The following ADAM18 variants were observed in gnomAD, a reference collection of about 807,000 sequenced individuals.
The protein encoded by ADAM18 is ADAM metallopeptidase domain 18, also known as disintegrin and metalloproteinase domain-containing protein 18.
Under a neutral mutation model 94.4 loss-of-function variants are expected in ADAM18, and 117 were observed. The ratio of observed to expected loss-of-function variants is 1.24; its 90% confidence interval spans 1.07 to 1.45. The LOEUF (loss-of-function observed/expected upper bound fraction) is 1.45, where lower values mean the gene tolerates loss of function less well. Ranked by LOEUF, ADAM18 falls within the 40% of genes most tolerant of loss-of-function variation. The pLI is 0.00. For missense variants in ADAM18, 936 were observed against 880.0 expected, an observed-to-expected ratio of 1.06 and a Z score of -0.81; for synonymous variants, 327 against 291.6, an observed-to-expected ratio of 1.12 and a Z score of -1.24.
chr8:39,678,907 A>G (rs1367571672), intron 15 of ADAM18, among the ~76,000 whole-genome samples: 5 of 152,202 alleles, frequency 3.3e-5, no homozygotes, highest in Non-Finnish European at 7.3e-5. Context: ...TAAGAATTTA[A>G]CCATAAATGC....
chr8:39,723,928 A>T (rs2129581882), intron 19 of ADAM18, 21 bp downstream of exon 19: 1 of 1,375,422 alleles, frequency 7.3e-7, no homozygotes, highest in South Asian at 1.7e-5. Flanking sequence ...TATAGAATCA[A>T]TGTATTAGGT....
At chr8:39,706,677 T>A in intron 17 of ADAM18, 113 bp from the exon 18 acceptor site, 1 of 537,256 alleles carries the variant, frequency 1.9e-6, no homozygotes, top group South Asian at 3.6e-5. Flanking sequence ...ATAATAATCT[T>A]AAGAAAAAAT....
At chr8:39,656,305 G>A (rs1483881321) in intron 12 of ADAM18, among the ~76,000 whole-genome samples, 1 of 151,940 alleles carries the variant, frequency 6.6e-6, no homozygotes, top group Non-Finnish European at 1.5e-5. Flanking sequence ...ACAGACAAAT[G>A]AAACAGAATG....
rs140879515 is a variant in ADAM18 at position 39,587,826 on chromosome 8, A to G, written c.132+2474A>G. 3.5e-3 allele frequency among the ~76,000 whole-genome samples: 529 copies of G among 152,288 alleles called. 1 individual carries two copies. The highest frequency in any genetic ancestry group is 8.2e-3 in the Admixed American group (125 of 15,304). On this transcript the variant is annotated intron_variant, in intron 2 of 19. Transcript: ENST00000265707. ...CTTCTGTGACTGTCTCATTTAACATAACATAATGTTCTGTGGGTTCATTCA... is the reference window on the plus strand; with the variant it reads ...CTTCTGTGACTGTCTCATTTAACATGACATAATGTTCTGTGGGTTCATTCA...
intron 2 of ADAM18, among the ~76,000 whole-genome samples, chr8:39,602,104 G>A (rs764973645): frequency 1.2e-4 from 18 of 152,028 alleles, no homozygotes; most frequent in South Asian, 4.1e-4. Context: ...CTTGGCTATT[G>A]TTAATTATGA....
In ADAM18 at chr8:39,677,750, G is replaced by T. The variant is rs537471165; in HGVS notation, c.1631+214G>T. 5.3e-5 allele frequency among the ~76,000 whole-genome samples: 8 copies of T among 152,116 alleles called. No homozygotes were observed. The South Asian group carries it at 1.5e-3, about 28-fold the overall frequency. On this transcript the variant is annotated intron_variant, in intron 15 of 19. Transcript: ENST00000265707. The stretch of plus-strand genomic sequence containing the variant: ...TTGGACAAAAAAAGGCTAATACTTA[G>T]TAACAGAAGAAGAAAATGGACACAC...
rs764930084 is a variant in ADAM18 at position 39,638,534 on chromosome 8, A to G, written c.897A>G (p.Ala299=). Residue 299 remains alanine, a synonymous_variant, in exon 10 of 20, where the codon GCA becomes GCG. Transcript: ENST00000265707. ...CTGTATGCAATAAAAGCTATGATGC[A>G]GGTATTGCTATGGTATGTAATTTTT... ...PGTVCNKSYD[A]GIAMYPDAIG... 27 of 1,568,158 alleles carry G rather than the reference A, an allele frequency of 1.7e-5. No homozygotes were observed. The highest frequency in any genetic ancestry group is 2.3e-5 in the Non-Finnish European group (26 of 1,154,766).
chr8:39,662,048 T>A (rs1820855159), intron 12 of ADAM18, among the ~76,000 whole-genome samples: 1 of 151,798 alleles, frequency 6.6e-6, no homozygotes, highest in Non-Finnish European at 1.5e-5. Context: ...TCAAAATATA[T>A]GATTATTTAA....
chr8:39,727,103 A>T (rs1334700748), intron 19 of ADAM18, among the ~76,000 whole-genome samples: 1 of 152,154 alleles, frequency 6.6e-6, no homozygotes, highest in Non-Finnish European at 1.5e-5. Flanking sequence ...ACATTTCTTC[A>T]ATATGTCTAG....
rs758275974 is a variant in ADAM18 at position 39,629,356 on chromosome 8, G to T, written c.523-18G>T. ...TACATGTTAACATTTTATAAATCCC[G>T]TTGTTGTTGTTTTCCAGATAAAAAA... is the stretch of plus-strand genomic sequence containing the variant. On this transcript the variant is annotated intron_variant, in intron 6 of 19. Coordinates refer to ENST00000265707, the MANE Select transcript of ADAM18 (RefSeq NM_014237.3). 1 of 1,526,886 alleles carries T rather than the reference G, an allele frequency of 6.5e-7. No homozygotes were observed. Among genetic ancestry groups the T allele is most frequent in the Non-Finnish European group, 8.9e-7 (1 of 1,117,886 alleles). The allele number at this position is 1,526,886 out of a possible 1,614,324, so 94.6% of individuals were successfully genotyped here.
intron 10 of ADAM18, 52 bp downstream of exon 10, chr8:39,638,598 A>G (rs1243117707): frequency 9.0e-7 from 1 of 1,116,978 alleles, no homozygotes; most frequent in Admixed American, 2.5e-5. Context: ...CTTATATTAT[A>G]TTTTGTAAGT....
At chr8:39,623,269 C>T (rs1464007165) in intron 6 of ADAM18, among the ~76,000 whole-genome samples, 8 of 152,122 alleles carry the variant, frequency 5.3e-5, no homozygotes, top group Admixed American at 1.3e-4. Flanking sequence ...TAGGTTGGTT[C>T]CATATCTTTG....
At chr8:39,712,659 G>A (rs1343309489) in intron 18 of ADAM18, among the ~76,000 whole-genome samples, 3 of 152,120 alleles carry the variant, frequency 2.0e-5, no homozygotes, top group Admixed American at 6.6e-5. Context: ...GACAAACAGA[G>A]CGCCAAATCA....
intron 10 of ADAM18, among the ~76,000 whole-genome samples, chr8:39,640,402 A>G (rs1352209188): frequency 2.6e-5 from 4 of 151,926 alleles, no homozygotes; most frequent in Non-Finnish European, 5.9e-5. Context: ...ATGTATATGT[A>G]CCACATTTTC....
intron 7 of ADAM18, among the ~76,000 whole-genome samples, chr8:39,636,281 T>G (rs1410148621): frequency 6.6e-6 from 1 of 152,302 alleles, no homozygotes; most frequent in Non-Finnish European, 1.5e-5. Flanking sequence ...TCACTGCACC[T>G]GTCCAACAAT....
In ADAM18 at chr8:39,730,009, T is replaced by C. The variant is rs1823028693; in HGVS notation, c.*69T>C. On this transcript the variant is annotated 3_prime_UTR_variant, in exon 20 of 20. Transcript: ENST00000265707. ...GTGCTTTATTTATAACCTTACGTTA[T>C]CCCCAATGCATTGTAAATGTCAAAC... 3.4e-6 allele frequency: 5 copies of C among 1,465,528 alleles called. No homozygotes were observed. The highest frequency in any genetic ancestry group is 3.5e-4 in the Middle Eastern group (2 of 5,742). The allele number at this position is 1,465,528 out of a possible 1,614,324, so 90.8% of individuals were successfully genotyped here. A position where few individuals can be genotyped will look rare whatever the true frequency, so the allele number is the denominator to read the frequency against.
intron 6 of ADAM18, among the ~76,000 whole-genome samples, chr8:39,612,641 C>G (rs1819312785): frequency 6.6e-6 from 1 of 152,116 alleles, no homozygotes; most frequent in African/African-American, 2.4e-5. Flanking sequence ...ATTGTTGGAC[C>G]TGGACAAAAC....
intron 2 of ADAM18, among the ~76,000 whole-genome samples, chr8:39,603,076 G>A (rs1050797621): frequency 7.9e-5 from 12 of 151,844 alleles, no homozygotes; most frequent in South Asian, 2.1e-4. Flanking sequence ...ATTGAGATTC[G>A]TCTTTTTGCA....
intron 18 of ADAM18, among the ~76,000 whole-genome samples, chr8:39,723,434 A>AT (rs1040232644): frequency 6.6e-6 from 1 of 151,630 alleles, no homozygotes; most frequent in African/African-American, 2.4e-5. Flanking sequence ...CAAAGTATAC[A>AT]TTTTTTAAAA....
Sources: allele counts gnomAD v4.1 joint callset (sites outside exome capture counted in the v4.1 genomes callset), GRCh38; gene constraint gnomAD v4.1.1; transcripts MANE v1.5; gene names NCBI Gene and HGNC (gene_info 2026-07-23, HGNC 2026-07-21).